Variants in MAP6 observed in about 807,000 individuals in gnomAD.
MAP6 encodes the protein microtubule associated protein 6.
In MAP6, 26 loss-of-function variants were observed where a neutral mutation model predicts 42.4. That is an observed-to-expected ratio of 0.61 (90% CI 0.45 to 0.85). The LOEUF (loss-of-function observed/expected upper bound fraction) is 0.85. Among genes scored for constraint, MAP6 ranks in the 40% least tolerant of loss-of-function variants. MAP6 has a pLI of 0.00. For missense variants in MAP6, 966 were observed against 1,099.0 expected (o/e 0.88, Z 1.71); for synonymous variants, 418 against 443.8 (o/e 0.94, Z 0.73).
At chr11:75,610,461 A>G (rs1199219151) in intron 1 of MAP6, among the ~76,000 whole-genome samples, 1 of 152,236 alleles carries the variant, frequency 6.6e-6, no homozygotes, top group East Asian at 1.9e-4. Context: ...TGAGTAGGAA[A>G]AGGCCCTGTG....
At chr11:75,604,433 C>G (rs978867174) in intron 3 of MAP6, 22 of 985,430 alleles carry the variant, frequency 2.2e-5, no homozygotes, top group Non-Finnish European at 2.4e-5. Flanking sequence ...GAAGAGCAAG[C>G]CTGCGCCGGG....
rs544028881 is a variant in MAP6, at chr11:75,604,598, T to A, written c.1316+1210A>T. ...TTGAGTTCCCTCACAAGCACTGGGG[T>A]TTTTTTTTTCACAACAACTCCCTGA... On this transcript the variant is annotated intron_variant, in intron 3 of 3. Transcript: ENST00000304771. 465 of 920,686 alleles carry A rather than the reference T, an allele frequency of 5.1e-4. 1 individual carries two copies. In the African/African-American group the frequency reaches 9.0e-3, roughly 18 times the overall value. 57.0% of individuals were successfully genotyped at this position (920,686 alleles called of 1,614,324 possible).
At chr11:75,614,681 T>C (rs1345330296) in intron 1 of MAP6, among the ~76,000 whole-genome samples, 1 of 152,246 alleles carries the variant, frequency 6.6e-6, no homozygotes, top group Non-Finnish European at 1.5e-5. Flanking sequence ...AGCTAAGCCA[T>C]TCCTGGATTA....
At chr11:75,633,835 G>A (rs971552848) in intron 1 of MAP6, among the ~76,000 whole-genome samples, 3 of 152,214 alleles carry the variant, frequency 2.0e-5, no homozygotes, top group African/African-American at 4.8e-5. Context: ...AGAGAAGGGC[G>A]AGCAGAGTGG....
intron 1 of MAP6, among the ~76,000 whole-genome samples, chr11:75,632,845 A>G (rs1943305754): frequency 6.6e-6 from 1 of 152,188 alleles, no homozygotes; most frequent in Non-Finnish European, 1.5e-5. Flanking sequence ...TTAATTCAAT[A>G]TGTTAATTTT....
chr11:75,631,622 A>C (rs1245905142), intron 1 of MAP6, among the ~76,000 whole-genome samples: 1 of 152,208 alleles, frequency 6.6e-6, no homozygotes, highest in African/African-American at 2.4e-5. Context: ...AAGCAGATTC[A>C]AAGGCTGGTG....
At chr11:75,600,055 A>G (rs557008583) in intron 3 of MAP6, among the ~76,000 whole-genome samples, 2 of 152,236 alleles carry the variant, frequency 1.3e-5, no homozygotes, top group Non-Finnish European at 2.9e-5. Flanking sequence ...CTTCTTAAGA[A>G]TGTTTGCCTC....
chr11:75,591,075 C>T (rs1246841778), intron 3 of MAP6, among the ~76,000 whole-genome samples: 1 of 152,092 alleles, frequency 6.6e-6, no homozygotes, highest in Non-Finnish European at 1.5e-5. Context: ...AACAGATTAG[C>T]TTTGTAATCC....
At chr11:75,606,574 T>C (rs2135587834) in intron 2 of MAP6, among the ~76,000 whole-genome samples, 1 of 152,294 alleles carries the variant, frequency 6.6e-6, no homozygotes, top group Admixed American at 6.5e-5. Flanking sequence ...TGATGTAAGA[T>C]GCAGATGTTC....
chr11:75,643,238 A>C (rs1325790055), intron 1 of MAP6, among the ~76,000 whole-genome samples: 1 of 150,876 alleles, frequency 6.6e-6, no homozygotes, highest in Non-Finnish European at 1.5e-5. Flanking sequence ...ATATATAAAT[A>C]TATAAATTTT....
chr11:75,602,819 C>T, intron 3 of MAP6: 1 of 985,320 alleles, frequency 1.0e-6, no homozygotes, highest in African/African-American at 1.7e-5. Flanking sequence ...ATTCCTTCAC[C>T]TACTCAGGTG....
chr11:75,666,388 AAGAG>A (rs368584152), intron 1 of MAP6, among the ~76,000 whole-genome samples: 11 of 152,270 alleles, frequency 7.2e-5, no homozygotes, highest in Admixed American at 1.3e-4. Context: ...TCTAGAAGGA[AAGAG>A]AGAGAGAGAT....
At chr11:75,646,923 G>A (rs1236224258) in intron 1 of MAP6, among the ~76,000 whole-genome samples, 1 of 151,870 alleles carries the variant, frequency 6.6e-6, no homozygotes, top group Non-Finnish European at 1.5e-5. Context: ...GCAAAGATGA[G>A]GTAAAATATA....
chr11:75,658,527 G>T (rs1220561988), intron 1 of MAP6, among the ~76,000 whole-genome samples: 1 of 151,820 alleles, frequency 6.6e-6, no homozygotes, highest in African/African-American at 2.4e-5. Flanking sequence ...TTCTATTCTT[G>T]CTGGAGATCA....
chr11:75,618,365 G>A (rs1943039738), intron 1 of MAP6, among the ~76,000 whole-genome samples: 1 of 152,110 alleles, frequency 6.6e-6, no homozygotes, highest in Non-Finnish European at 1.5e-5. Flanking sequence ...CCAGCACTTT[G>A]GGAGGCTGAG....
At position 75,604,461 on chromosome 11, in the gene MAP6, A is replaced by G. The variant is rs1227581548; in HGVS notation, c.1316+1347T>C. On this transcript the variant is annotated intron_variant, in intron 3 of 3. Coordinates refer to ENST00000304771, the MANE Select transcript of MAP6 (RefSeq NM_033063.2). The stretch of plus-strand genomic sequence containing the variant: ...GCGCCGGGGCTTGACACCGGACGGC[A>G]GCCCAGTGTGTCAGAATGCCGGGGA... The G allele has an allele frequency of 3.0e-6, 3 of 985,366 alleles. No homozygotes were observed. In the African/African-American group the frequency reaches 5.2e-5, roughly 17 times the overall value. The allele number at this position is 985,366 out of a possible 1,614,324, so 61.0% of individuals were successfully genotyped here. A position where few individuals can be genotyped will look rare whatever the true frequency, so the allele number is the denominator to read the frequency against.
intron 1 of MAP6, among the ~76,000 whole-genome samples, chr11:75,631,544 C>A (rs1943284198): frequency 6.6e-6 from 1 of 152,100 alleles, no homozygotes; most frequent in Non-Finnish European, 1.5e-5. Context: ...TGCACAGCTA[C>A]AGTGATGGAT....
In MAP6 at chr11:75,587,409, C is replaced by A; in HGVS notation, c.2092G>T (p.Val698Phe). 6.2e-7 allele frequency: 1 copy of A among 1,614,182 alleles called. No individual in the cohort carries two copies. Among genetic ancestry groups the A allele is most frequent in the Non-Finnish European group, 8.5e-7 (1 of 1,180,018 alleles). ...CCTTGATTCTTTACAGGTGCCACAA[C>A]TGCAGAATCGTGAACCTTTGCATGC... ...PEHAKVHDSA[V>F]VAPVKNQGPV... Residue 698 changes from valine to phenylalanine, a missense_variant, in exon 4 of 4, where the codon GTT becomes TTT. Transcript: ENST00000304771.
chr11:75,587,006 G>A lies in MAP6; in HGVS notation c.*53C>T, dbSNP rs1404423318. ...AAATATGTGTCTTCACTGCCCCTGG[G>A]AGGGGAGCACTCTCACTGTCAGCTC... On this transcript the variant is annotated 3_prime_UTR_variant, in exon 4 of 4. Transcript: ENST00000304771. The A allele has an allele frequency of 6.7e-7, 1 of 1,488,738 alleles. No individual in the cohort carries two copies. The highest frequency in any genetic ancestry group is 9.0e-7 in the Non-Finnish European group (1 of 1,106,574). The allele number at this position is 1,488,738 out of a possible 1,614,324, so 92.2% of individuals were successfully genotyped here.
Sources: allele counts gnomAD v4.1 joint callset (sites outside exome capture counted in the v4.1 genomes callset), GRCh38; gene constraint gnomAD v4.1.1; transcripts MANE v1.5; gene names NCBI Gene and HGNC (gene_info 2026-07-23, HGNC 2026-07-21).